GLI3: variants seen among roughly 807,000 people sequenced by gnomAD.
GLI3 encodes GLI family zinc finger 3, also known as transcription activator GLI3.
In GLI3, 20 loss-of-function variants were observed where a neutral mutation model predicts 100.8. The ratio of observed to expected loss-of-function variants is 0.20; its 90% confidence interval spans 0.14 to 0.29. GLI3 has a LOEUF of 0.29. GLI3 is among the 10% of genes least tolerant of loss of function. The pLI is 1.00. For synonymous variants in GLI3, 938 were observed against 860.5 expected, an observed-to-expected ratio of 1.09 and a Z score of -1.58; for missense variants, 2,040 against 2,128.5, an observed-to-expected ratio of 0.96 and a Z score of 0.82.
At chr7:42,236,116 G>C (rs1788786337) in intron 1 of GLI3, among the ~76,000 whole-genome samples, 1 of 152,132 alleles carries the variant, frequency 6.6e-6, no homozygotes, top group Non-Finnish European at 1.5e-5. Context: ...AAAAGGCCGG[G>C]TGCGGGGTGG....
At position 42,132,389 on chromosome 7, in the gene GLI3, C is replaced by T. The variant is rs141208627; in HGVS notation, c.367+15837G>A. ...TGCTGGGATTACAGGCGTGAGCCAC[C>T]GCGCCCGGCCGGCTTCATGATTTAT... is the stretch of plus-strand genomic sequence containing the variant. On this transcript the variant is annotated intron_variant, in intron 3 of 14. Transcript: ENST00000395925. Among the ~76,000 whole-genome samples the T allele has an allele frequency of 5.2e-3, 784 of 152,210 alleles. 15 individuals carry two copies. The highest frequency in any genetic ancestry group is 0.027 in the East Asian group (139 of 5,174).
At position 42,095,790 on chromosome 7, in the gene GLI3, T is replaced by A. The variant is rs550641443; in HGVS notation, c.368-18933A>T. The stretch of plus-strand genomic sequence containing the variant: ...CTCCTGGTAGATGTCTGGAGGGAGG[T>A]GGATCTGGGATTTGAGAGCCACGTC... On this transcript the variant is annotated intron_variant, in intron 3 of 14. Transcript: ENST00000395925. Among the ~76,000 whole-genome samples the A allele has an allele frequency of 2.6e-5, 4 of 151,424 alleles. No individual in the cohort carries two copies. The East Asian group carries it at 7.8e-4, about 29-fold the overall frequency.
At chr7:42,021,285 A>C (rs1045789966) in intron 10 of GLI3, among the ~76,000 whole-genome samples, 1 of 152,198 alleles carries the variant, frequency 6.6e-6, no homozygotes, top group Non-Finnish European at 1.5e-5. Context: ...AAGATATTAG[A>C]TTTTCTTCTA....
intron 2 of GLI3, among the ~76,000 whole-genome samples, chr7:42,182,686 A>ACG (rs1787637872): frequency 2.0e-5 from 2 of 99,958 alleles, no homozygotes; most frequent in African/African-American, 1.0e-4. Context: ...ATATATACAC[A>ACG]TGTGTGTATA....
chr7:42,048,083 G>C (rs1784281346), intron 5 of GLI3, among the ~76,000 whole-genome samples: 2 of 152,210 alleles, frequency 1.3e-5, no homozygotes, highest in Non-Finnish European at 2.9e-5. Context: ...GTGTTCATCA[G>C]AAGGTGAGTA....
chr7:42,064,480 G>A (rs1784634747), intron 4 of GLI3, among the ~76,000 whole-genome samples: 1 of 152,200 alleles, frequency 6.6e-6, no homozygotes, highest in Non-Finnish European at 1.5e-5. Context: ...TATGAAAACA[G>A]ATGATTAACT....
At chr7:42,237,229 T>A (rs1788825766), upstream of GLI3, among the ~76,000 whole-genome samples, 1 of 151,064 alleles carries the variant, frequency 6.6e-6, no homozygotes, top group Non-Finnish European at 1.5e-5. Context: ...CCGGTGGCGC[T>A]GCCCCTGCCC....
chr7:42,207,253 AC>A (rs1788174871), intron 2 of GLI3, among the ~76,000 whole-genome samples: 1 of 152,216 alleles, frequency 6.6e-6, no homozygotes, highest in Non-Finnish European at 1.5e-5. Context: ...CCTGGATGCC[AC>A]CCAAATGCCC....
intron 3 of GLI3, among the ~76,000 whole-genome samples, chr7:42,115,133 C>CCT (rs768579051): frequency 1.0e-5 from 1 of 99,630 alleles, no homozygotes; most frequent in South Asian, 3.6e-4. Context: ...AATTTTCCTA[C>CCT]TTTTTTTTTT....
At chr7:42,238,155 G>T (rs1788871458), upstream of GLI3, among the ~76,000 whole-genome samples, 1 of 151,728 alleles carries the variant, frequency 6.6e-6, no homozygotes, top group African/African-American at 2.4e-5. Context: ...CCGGCGAGGG[G>T]AAGGGGGCCC....
chr7:41,987,497 C>T (rs1562671720), intron 10 of GLI3, among the ~76,000 whole-genome samples: 1 of 152,104 alleles, frequency 6.6e-6, no homozygotes, highest in Non-Finnish European at 1.5e-5. Flanking sequence ...ACAGTATTTT[C>T]CAGTGGGTTT....
chr7:42,013,726 A>T (rs1315246195), intron 10 of GLI3, among the ~76,000 whole-genome samples: 1 of 152,218 alleles, frequency 6.6e-6, no homozygotes, highest in East Asian at 1.9e-4. Context: ...AATGATAACA[A>T]TCACAATAAA....
chr7:42,198,897 A>G (rs1302172337), intron 2 of GLI3, among the ~76,000 whole-genome samples: 1 of 151,464 alleles, frequency 6.6e-6, no homozygotes, highest in African/African-American at 2.4e-5. Flanking sequence ...AAAACACATA[A>G]CTTAAAATAC....
chr7:42,223,332 G>T, intron 1 of GLI3, 37 bp from the exon 2 acceptor site: 2 of 1,161,888 alleles, frequency 1.7e-6, no homozygotes, highest in South Asian at 1.3e-5. Context: ...TTTCCAAAAT[G>T]GTGGAAAAAA....
At chr7:42,020,187 C>T (rs985164220) in intron 10 of GLI3, among the ~76,000 whole-genome samples, 2 of 152,188 alleles carry the variant, frequency 1.3e-5, no homozygotes, top group African/African-American at 4.8e-5. Flanking sequence ...GAGTGCATTA[C>T]AGTGGAAATC....
At chr7:42,218,900 G>A (rs535629049) in intron 2 of GLI3, among the ~76,000 whole-genome samples, 8 of 152,114 alleles carry the variant, frequency 5.3e-5, no homozygotes, top group East Asian at 1.9e-4. Flanking sequence ...CCTTTAAAAC[G>A]AAATCATGGG....
chr7:42,236,152 A>T (rs971145415), intron 1 of GLI3, among the ~76,000 whole-genome samples: 6 of 152,228 alleles, frequency 3.9e-5, no homozygotes, highest in African/African-American at 1.4e-4. Context: ...CAATCTGCTT[A>T]AAAGTCGCTT....
At chr7:41,995,805 T>A (rs915250692) in intron 10 of GLI3, among the ~76,000 whole-genome samples, 4 of 152,170 alleles carry the variant, frequency 2.6e-5, no homozygotes, top group African/African-American at 9.7e-5. Flanking sequence ...AAAGCATCCA[T>A]GCAGACATGC....
chr7:42,077,142 C>T (rs1222363423), intron 3 of GLI3, among the ~76,000 whole-genome samples: 2 of 152,130 alleles, frequency 1.3e-5, no homozygotes, highest in Non-Finnish European at 2.9e-5. Context: ...GGCTCCCTAT[C>T]TTGAAAGACA....
Sources: gnomAD v4.1 joint callset for allele counts (sites outside exome capture counted in the v4.1 genomes callset) on GRCh38, gnomAD v4.1.1 for gene constraint, MANE v1.5 for transcripts, NCBI Gene and HGNC (gene_info 2026-07-23, HGNC 2026-07-21) for gene names.